The following COL25A1 variants were observed in gnomAD, a reference collection of about 807,000 sequenced individuals.
The protein encoded by COL25A1 is collagen type XXV alpha 1 chain.
Under a neutral mutation model 128.4 loss-of-function variants are expected in COL25A1, and 103 were observed. The observed-to-expected ratio is 0.80, with a 90% CI of 0.68 to 0.94. The LOEUF (loss-of-function observed/expected upper bound fraction) is 0.94, where lower values mean the gene tolerates loss of function less well. COL25A1 is among the 40% of genes least tolerant of loss of function. The pLI is 0.00. For missense variants in COL25A1, 745 were observed against 840.0 expected (o/e 0.89, Z 1.40); for synonymous variants, 279 against 277.2 (o/e 1.01, Z -0.06).
At chr4:108,940,143 T>A (rs550422081) in intron 10 of COL25A1, among the ~76,000 whole-genome samples, 1 of 152,264 alleles carries the variant, frequency 6.6e-6, no homozygotes, top group South Asian at 2.1e-4. Flanking sequence ...TCCTACTTAG[T>A]TTTTCAGACT....
intron 3 of COL25A1, among the ~76,000 whole-genome samples, chr4:109,183,449 C>T (rs1157097855): frequency 1.3e-5 from 2 of 152,100 alleles, no homozygotes; most frequent in African/African-American, 4.8e-5. Context: ...GAGAAAAATG[C>T]AAAGACTTTT....
intron 20 of COL25A1, among the ~76,000 whole-genome samples, chr4:108,865,477 G>A (rs1737784617): frequency 6.6e-6 from 1 of 152,116 alleles, no homozygotes; most frequent in Non-Finnish European, 1.5e-5. Context: ...AGAAAGACAA[G>A]GGACTTCTCT....
At chr4:109,152,271 A>G (rs1320905740) in intron 3 of COL25A1, among the ~76,000 whole-genome samples, 3 of 152,312 alleles carry the variant, frequency 2.0e-5, no homozygotes, top group South Asian at 4.1e-4. Flanking sequence ...AGCAGAATAC[A>G]GTAAGTGGAG....
chr4:108,815,028 C>A (rs917404481), intron 37 of COL25A1, among the ~76,000 whole-genome samples: 3 of 152,090 alleles, frequency 2.0e-5, no homozygotes, highest in African/African-American at 7.2e-5. Flanking sequence ...CATGCCAATG[C>A]CAAAAAATGT....
intron 3 of COL25A1, among the ~76,000 whole-genome samples, chr4:109,097,454 A>AC (rs1553931841): frequency 5.4e-5 from 8 of 149,516 alleles, no homozygotes; most frequent in African/African-American, 2.0e-4. Context: ...AAAAAAAAAA[A>AC]CCACAAAAAT....
chr4:109,212,901 G>A (rs1460978506), intron 3 of COL25A1, among the ~76,000 whole-genome samples: 1 of 152,122 alleles, frequency 6.6e-6, no homozygotes, highest in East Asian at 1.9e-4. Flanking sequence ...CAGTAAGAGA[G>A]TATAAGAATT....
At chr4:109,068,369 C>T (rs192324627) in intron 3 of COL25A1, among the ~76,000 whole-genome samples, 192 of 151,078 alleles carry the variant, frequency 1.3e-3, no homozygotes, top group Non-Finnish European at 2.3e-3. Context: ...CCATTTTTGA[C>T]AGCCAGACTG....
chr4:108,818,859 C>CT (rs34144135), intron 36 of COL25A1, among the ~76,000 whole-genome samples: 40 of 147,896 alleles, frequency 2.7e-4, no homozygotes, highest in African/African-American at 5.0e-4. Context: ...GCAGAAATAC[C>CT]TTTTTTTTTT....
intron 6 of COL25A1, among the ~76,000 whole-genome samples, chr4:108,982,691 A>C (rs1003401200): frequency 3.3e-5 from 5 of 152,180 alleles, no homozygotes; most frequent in Admixed American, 3.3e-4. Flanking sequence ...CTGAAGATTA[A>C]AAGAGACCAA....
chr4:108,823,007 C>T (rs140854577), intron 35 of COL25A1, among the ~76,000 whole-genome samples: 143 of 152,218 alleles, frequency 9.4e-4, no homozygotes, highest in Middle Eastern at 3.4e-3. Flanking sequence ...ACCACTTACA[C>T]GGGCTCTCTT....
At chr4:109,297,080 AAC>A (rs1360448272) in intron 3 of COL25A1, among the ~76,000 whole-genome samples, 1 of 152,122 alleles carries the variant, frequency 6.6e-6, no homozygotes, top group African/African-American at 2.4e-5. Flanking sequence ...TATTCTGCTA[AAC>A]ACAGCTTCAA....
intron 11 of COL25A1, among the ~76,000 whole-genome samples, chr4:108,922,229 C>T (rs1455255771): frequency 6.6e-6 from 1 of 152,128 alleles, no homozygotes; most frequent in African/African-American, 2.4e-5. Context: ...TAAGTAAGGG[C>T]AGAATTTGGA....
intron 3 of COL25A1, among the ~76,000 whole-genome samples, chr4:109,272,646 GA>G (rs757436514): frequency 2.0e-5 from 3 of 152,196 alleles, no homozygotes; most frequent in African/African-American, 4.8e-5. Flanking sequence ...GGGAGTTAGA[GA>G]GGCCCAGAAA....
chr4:108,817,260 A>G, intron 37 of COL25A1, 137 bp downstream of exon 37: 6 of 760,984 alleles, frequency 7.9e-6, no homozygotes, highest in Non-Finnish European at 1.1e-5. Flanking sequence ...AGCAGTAAAT[A>G]TACTGATCAA....
At chr4:109,118,863 G>C (rs1767851111) in intron 3 of COL25A1, among the ~76,000 whole-genome samples, 1 of 151,962 alleles carries the variant, frequency 6.6e-6, no homozygotes, top group Non-Finnish European at 1.5e-5. Flanking sequence ...TCAATCAACT[G>C]GGGGTATAAG....
chr4:109,260,949 AAGTAATCTAT>A (rs1459621906), intron 3 of COL25A1, among the ~76,000 whole-genome samples: 1 of 152,214 alleles, frequency 6.6e-6, no homozygotes. Context: ...CTGTATGTAA[AAGTAATCTAT>A]AGATTACAAG....
chr4:108,950,941 A>T (rs1340765051), intron 8 of COL25A1, among the ~76,000 whole-genome samples: 1 of 152,224 alleles, frequency 6.6e-6, no homozygotes, highest in Admixed American at 6.5e-5. Flanking sequence ...CTGTCTGAGG[A>T]CTGGAGTAAG....
rs1175985535 is a variant in COL25A1 at position 108,921,816 on chromosome 4, CAACT to C, written c.709-1216_709-1213del. Among the ~76,000 whole-genome samples, 9 of 152,166 alleles carry C rather than the reference CAACT, an allele frequency of 5.9e-5. No homozygotes were observed. In the South Asian group the frequency reaches 1.5e-3, roughly 25 times the overall value. ...TATATTTCTATTTAATTTACTCAACCAACTGTTTAATGAGCTTGTTATTTGGTTT... is the reference window on the plus strand; with the variant it reads ...TATATTTCTATTTAATTTACTCAACCGTTTAATGAGCTTGTTATTTGGTTT... On this transcript the variant is annotated intron_variant, in intron 11 of 37. Transcript: ENST00000399132.
At chr4:109,262,312 G>A (rs930869318) in intron 3 of COL25A1, among the ~76,000 whole-genome samples, 35 of 151,944 alleles carry the variant, frequency 2.3e-4, no homozygotes, top group African/African-American at 7.5e-4. Flanking sequence ...TCAGGAGTTC[G>A]AGACCAGCCT....
Sources: allele counts gnomAD v4.1 joint callset (sites outside exome capture counted in the v4.1 genomes callset), GRCh38; gene constraint gnomAD v4.1.1; transcripts MANE v1.5; gene names NCBI Gene and HGNC (gene_info 2026-07-23, HGNC 2026-07-21).